The following SH3PXD2A variants were observed in gnomAD, a reference collection of about 807,000 sequenced individuals.
SH3PXD2A encodes the protein SH3 and PX domain-containing protein 2A.
SH3PXD2A carries 32 observed loss-of-function variants against 115.2 expected under a neutral mutation model. That is an observed-to-expected ratio of 0.28 (90% CI 0.21 to 0.37). The LOEUF is 0.37. Among genes scored for constraint, SH3PXD2A ranks in the 10% least tolerant of loss-of-function variants. The pLI, the probability that SH3PXD2A is intolerant of heterozygous loss-of-function variation, is 1.00. For synonymous variants in SH3PXD2A, 610 were observed against 629.1 expected (o/e 0.97, Z 0.45); for missense variants, 1,328 against 1,498.7 (o/e 0.89, Z 1.88).
intron 13 of SH3PXD2A, among the ~76,000 whole-genome samples, chr10:103,608,150 T>TAAATAAAAAAAAAAAAAAGTTTACA: frequency 3.1e-5 from 1 of 32,670 alleles, no homozygotes; most frequent in Non-Finnish European, 4.5e-5. Context: ...ATGATCAATT[T>TAAATAAAAAAAAAAAAAAGTTTACA]AAAAAAAAAA....
chr10:103,643,574 T>A (rs1263180400), intron 8 of SH3PXD2A, among the ~76,000 whole-genome samples: 1 of 152,120 alleles, frequency 6.6e-6, no homozygotes, highest in East Asian at 1.9e-4. Flanking sequence ...TAAGCCTGGG[T>A]CAGATTTGCT....
chr10:103,715,101 T>G (rs1013419488), intron 5 of SH3PXD2A, among the ~76,000 whole-genome samples: 1 of 152,200 alleles, frequency 6.6e-6, no homozygotes, highest in African/African-American at 2.4e-5. Flanking sequence ...CCAGCCTTTT[T>G]GGGGTGGCTG....
rs1057193105 is a variant in SH3PXD2A at position 103,756,379 on chromosome 10, G to A, written c.229+10715C>T. Among the ~76,000 whole-genome samples the A allele has an allele frequency of 6.6e-6, 1 of 152,092 alleles. No individual in the cohort carries two copies. Among genetic ancestry groups the A allele is most frequent in the African/African-American group, 2.4e-5 (1 of 41,406 alleles). ...ACTGTGGGAGTTTATCTCTTCCAGT[G>A]CCCCTCACCTCCTAAGAAGTTGTTG... On this transcript the variant is annotated intron_variant, in intron 3 of 14. Transcript: ENST00000369774. This position sits in a 1 kb window ranked among gnomAD's most constrained non-coding sequence, Gnocchi z 4.4.
At chr10:103,793,962 A>T (rs1307157349) in intron 2 of SH3PXD2A, among the ~76,000 whole-genome samples, 1 of 152,204 alleles carries the variant, frequency 6.6e-6, no homozygotes, top group Admixed American at 6.5e-5. Flanking sequence ...AAAAATTAAC[A>T]CAGTTTGTTA....
At position 103,648,622 on chromosome 10, in the gene SH3PXD2A, A is replaced by C. The variant is rs2037072645; in HGVS notation, c.604+12361T>G. ...GCAGTTCTCCAGGGCAACTTTTCAA[A>C]ACATTATTTTAAAAAGGAGGGGAAG... is the stretch of plus-strand genomic sequence containing the variant. On this transcript the variant is annotated intron_variant, in intron 8 of 14. Transcript: ENST00000369774. Among the ~76,000 whole-genome samples, 3 of 152,210 alleles carry C rather than the reference A, an allele frequency of 2.0e-5. No homozygotes were observed. The South Asian group carries it at 6.2e-4, about 32-fold the overall frequency.
chr10:103,833,034 C>T (rs910457824), intron 1 of SH3PXD2A, among the ~76,000 whole-genome samples: 2 of 152,198 alleles, frequency 1.3e-5, no homozygotes, highest in Non-Finnish European at 2.9e-5. Context: ...CATATTCTCA[C>T]CAACACTTAG....
chr10:103,729,106 G>A (rs1254217017), intron 4 of SH3PXD2A, among the ~76,000 whole-genome samples: 2 of 152,116 alleles, frequency 1.3e-5, no homozygotes, highest in Non-Finnish European at 2.9e-5. Flanking sequence ...AAGTTGGCCA[G>A]GCTGATCTCG....
chr10:103,726,831 C>T (rs1233300410), intron 4 of SH3PXD2A, among the ~76,000 whole-genome samples: 1 of 152,138 alleles, frequency 6.6e-6, no homozygotes, highest in Non-Finnish European at 1.5e-5. Flanking sequence ...CAAACCCACA[C>T]CCAGGCAAGA....
intron 2 of SH3PXD2A, among the ~76,000 whole-genome samples, chr10:103,769,376 A>G (rs1430054468): frequency 6.6e-6 from 1 of 151,140 alleles, no homozygotes; most frequent in Non-Finnish European, 1.5e-5. Context: ...ATTAACTTTC[A>G]CTTCCCTGAA....
At chr10:103,633,111 T>C (rs1246471558) in intron 8 of SH3PXD2A, among the ~76,000 whole-genome samples, 6 of 152,222 alleles carry the variant, frequency 3.9e-5, no homozygotes, top group Admixed American at 3.9e-4. Context: ...AAGCCCAGGC[T>C]GGTGAGGATA....
chr10:103,605,715 A>G, intron 14 of SH3PXD2A, 83 bp downstream of exon 14: 1 of 1,568,130 alleles, frequency 6.4e-7, no homozygotes, highest in African/African-American at 1.3e-5. Flanking sequence ...CAGGAATCTT[A>G]CTAGCAAGGC....
At chr10:103,670,353 C>T (rs1165787526) in intron 6 of SH3PXD2A, among the ~76,000 whole-genome samples, 2 of 152,184 alleles carry the variant, frequency 1.3e-5, no homozygotes, top group African/African-American at 2.4e-5. Flanking sequence ...TACTTACCTT[C>T]TGGGTTGCTG....
At chr10:103,639,043 G>A (rs546691083) in intron 8 of SH3PXD2A, among the ~76,000 whole-genome samples, 57 of 152,346 alleles carry the variant, frequency 3.7e-4, no homozygotes, top group African/African-American at 1.3e-3. Flanking sequence ...TCCAGGAGCT[G>A]CAGAGCAGTG....
intron 6 of SH3PXD2A, among the ~76,000 whole-genome samples, chr10:103,677,515 A>ATTCCT (rs2037553443): frequency 6.6e-6 from 1 of 152,224 alleles, no homozygotes. Context: ...ATGGGGGGTC[A>ATTCCT]GGGGTAGGAG....
chr10:103,836,724 T>C (rs2039546148), intron 1 of SH3PXD2A, among the ~76,000 whole-genome samples: 1 of 151,462 alleles, frequency 6.6e-6, no homozygotes, highest in Non-Finnish European at 1.5e-5. Flanking sequence ...TTTCTCCCTT[T>C]GTTTTCTTAA....
intron 1 of SH3PXD2A, among the ~76,000 whole-genome samples, chr10:103,838,703 G>A (rs940070963): frequency 3.9e-5 from 6 of 152,204 alleles, no homozygotes; most frequent in African/African-American, 1.4e-4. Context: ...TGGGGAGACC[G>A]TGTAACAGCT....
At chr10:103,777,331 G>C (rs915053424) in intron 2 of SH3PXD2A, among the ~76,000 whole-genome samples, 5 of 152,242 alleles carry the variant, frequency 3.3e-5, no homozygotes, top group South Asian at 4.1e-4. Context: ...TCAGGGAGGC[G>C]GCAGGGAGAC....
At chr10:103,824,999 G>A (rs80196941) in intron 1 of SH3PXD2A, among the ~76,000 whole-genome samples, 14,816 of 152,154 alleles carry the variant, frequency 0.097, 771 homozygotes, top group African/African-American at 0.13. Flanking sequence ...ATAGGGTTTC[G>A]CCAAGTTATC....
chr10:103,699,777 G>A (rs554761501), intron 5 of SH3PXD2A, among the ~76,000 whole-genome samples: 1 of 152,344 alleles, frequency 6.6e-6, no homozygotes, highest in East Asian at 1.9e-4. Flanking sequence ...GGCACTGAGG[G>A]CCCTTGTGTT....
Sources: gnomAD v4.1 joint callset for allele counts (sites outside exome capture counted in the v4.1 genomes callset) on GRCh38, gnomAD v4.1.1 for gene constraint, Gnocchi (gnomAD v3.1) non-coding constraint, MANE v1.5 for transcripts, NCBI Gene and HGNC (gene_info 2026-07-23, HGNC 2026-07-21) for gene names.